The following ZNF134 variants were observed in gnomAD, a reference collection of about 807,000 sequenced individuals.
ZNF134 encodes the protein zinc finger protein 134 (clone pHZ-15).
In ZNF134, 5 loss-of-function variants were observed where a neutral mutation model predicts 2.5. The ratio of observed to expected loss-of-function variants is 2.03; its 90% CI spans 1.06 to 4.27. ZNF134 has a LOEUF of 4.27. Among genes scored for constraint, ZNF134 ranks in the 30% most tolerant of loss-of-function variants. The probability of loss-of-function intolerance (pLI) is 0.00; values close to 1 mark genes in which losing one functional copy is unlikely to be tolerated. For missense variants in ZNF134, 540 were observed against 517.5 expected (o/e 1.04, Z -0.42); for synonymous variants, 176 against 176.2 (o/e 1.00, Z 0.01).
rs934684416 is a variant in ZNF134, at chr19:57,623,234, A to G, written c.*1831A>G. On this transcript the variant is annotated 3_prime_UTR_variant, in exon 3 of 3. Transcript: ENST00000396161. ...AATTTGAAATTTGTCCATGGTATGT[A>G]TGAACAGTCCATTTTAAAATTACTG... 6.6e-6 allele frequency: 1 copy of G among 152,330 alleles called. No individual in the cohort carries two copies. Among genetic ancestry groups the G allele is most frequent in the East Asian group, 1.9e-4 (1 of 5,188 alleles). The allele number at this position is 152,330 out of a possible 1,614,324, so 9.4% of individuals were successfully genotyped here.
intron 1 of ZNF134, among the ~76,000 whole-genome samples, chr19:57,617,809 G>C (rs925782996): frequency 3.3e-5 from 5 of 152,194 alleles, no homozygotes. Context: ...GTCTAGAAGA[G>C]GGAGGGAAAT....
chr19:57,623,040 C>A lies in ZNF134; in HGVS notation c.*1637C>A, dbSNP rs114352426. On this transcript the variant is annotated 3_prime_UTR_variant, in exon 3 of 3. Transcript: ENST00000396161. Reference sequence around the variant, plus strand: ...CAGTGGTATTGGACATATCTGTTACCCCCAAAGTTAACCTGAGGCCCTTAA... The same window carrying A: ...CAGTGGTATTGGACATATCTGTTACACCCAAAGTTAACCTGAGGCCCTTAA... The A allele has an allele frequency of 1.3e-5, 2 of 151,816 alleles. No homozygotes were observed. The allele number at this position is 151,816 out of a possible 1,614,324, so 9.4% of individuals were successfully genotyped here.
intron 1 of ZNF134, among the ~76,000 whole-genome samples, chr19:57,617,775 G>A (rs1487021036): frequency 6.6e-6 from 1 of 152,204 alleles, no homozygotes; most frequent in African/African-American, 2.4e-5. Context: ...GACACAGCAG[G>A]GTAGAGGTAG....
chr19:57,619,542 G>A (rs1981139792), intron 2 of ZNF134, 34 bp downstream of exon 2: 9 of 1,571,350 alleles, frequency 5.7e-6, no homozygotes, highest in Non-Finnish European at 7.8e-6. Flanking sequence ...ATAACCTCAG[G>A]GCTGGGTTCC....
At position 57,620,759 on chromosome 19, in the gene ZNF134, A is replaced by C; in HGVS notation, c.640A>C (p.Ser214Arg). The C allele has an allele frequency of 6.2e-7, 1 of 1,612,858 alleles. No individual in the cohort carries two copies. The highest frequency in any genetic ancestry group is 8.5e-7 in the Non-Finnish European group (1 of 1,178,804). The change falls in exon 3 of 3, where the codon AGC becomes CGC. Residue 214 changes from serine (S) to arginine (R), a missense_variant. Transcript: ENST00000396161. ...GTGCAGCGAATGTGGGAAAGCCTTC[A>C]GCCGCAAAGCTACACTTGTCCAGCA... Reference protein sequence around the residue: ...YECSECGKAFSRKATLVQHQR... With the variant: ...YECSECGKAFRRKATLVQHQR...
Position 57,619,446 on chromosome 19 carries a change from G to C in ZNF134, c.-23G>C, listed in dbSNP as rs761125363. On this transcript the variant is annotated 5_prime_UTR_variant, in exon 2 of 3. Transcript: ENST00000396161. ...GGTTGTTGAATTGTAACAAGAGAGA[G>C]AACTCTGGCTGCCTGAGAGGGCATG... 1.3e-6 allele frequency: 2 copies of C among 1,598,444 alleles called. No individual in the cohort carries two copies. The highest frequency in any genetic ancestry group is 1.7e-5 in the Admixed American group (1 of 57,804).
At chr19:57,617,615 C>T (rs557422522) in intron 1 of ZNF134, among the ~76,000 whole-genome samples, 8 of 152,184 alleles carry the variant, frequency 5.3e-5, no homozygotes, top group African/African-American at 1.4e-4. Context: ...GACAGCTGGA[C>T]ACAGAGATCT....
chr19:57,621,329 G>C lies in ZNF134; in HGVS notation c.1210G>C (p.Glu404Gln), dbSNP rs1381515708. Reference protein sequence around the residue: ...HTGERPYECSECGKAYSLSSH... With the variant: ...HTGERPYECSQCGKAYSLSSH... ...TGGAGAAAGGCCATATGAGTGCAGT[G>C]AATGTGGGAAGGCCTACAGCTTAAG... Residue 404 changes from glutamate to glutamine, a missense_variant, in exon 3 of 3, where the codon GAA becomes CAA. Coordinates refer to ENST00000396161, the MANE Select transcript of ZNF134 (RefSeq NM_003435.5). 10 of 1,614,078 alleles carry C rather than the reference G, an allele frequency of 6.2e-6. No homozygotes were observed. The highest frequency in any genetic ancestry group is 8.5e-6 in the Non-Finnish European group (10 of 1,180,046).
chr19:57,618,529 C>T (rs891457586), intron 1 of ZNF134, among the ~76,000 whole-genome samples: 17 of 152,156 alleles, frequency 1.1e-4, no homozygotes, highest in Non-Finnish European at 2.9e-5. Flanking sequence ...TGTTGATCCC[C>T]AGGGAGCTGG....
intron 1 of ZNF134, 99 bp from the exon 2 acceptor site, chr19:57,619,313 T>C: frequency 1.1e-6 from 1 of 947,340 alleles, no homozygotes; most frequent in Non-Finnish European, 1.6e-6. Flanking sequence ...CTGAGGTTCA[T>C]TTTGTAGCAT....
chr19:57,615,938 A>C (rs1053946172), intron 1 of ZNF134, among the ~76,000 whole-genome samples: 3 of 152,248 alleles, frequency 2.0e-5, no homozygotes, highest in Non-Finnish European at 4.4e-5. Context: ...AAGGAAGTTA[A>C]CAGGCTAAAC....
intron 1 of ZNF134, among the ~76,000 whole-genome samples, chr19:57,618,122 G>C (rs529586286): frequency 4.4e-4 from 67 of 152,306 alleles, no homozygotes; most frequent in African/African-American, 1.6e-3. Context: ...TGAGAAGCCT[G>C]TGACTGACCT....
chr19:57,620,057 A>C, intron 2 of ZNF134, 103 bp from the exon 3 acceptor site: 1 of 1,353,494 alleles, frequency 7.4e-7, no homozygotes. Context: ...TCCACCAGGA[A>C]ACTTAGGTAC....
intron 1 of ZNF134, among the ~76,000 whole-genome samples, chr19:57,615,935 T>G (rs1043936514): frequency 6.6e-6 from 1 of 152,186 alleles, no homozygotes; most frequent in Non-Finnish European, 1.5e-5. Context: ...AACAAGGAAG[T>G]TAACAGGCTA....
chr19:57,615,618 TTATCTC>T (rs1486681568), intron 1 of ZNF134, among the ~76,000 whole-genome samples: 6 of 152,154 alleles, frequency 3.9e-5, no homozygotes, highest in African/African-American at 1.4e-4. Context: ...GAAGGGGTTT[TTATCTC>T]TAACCCATAG....
In ZNF134 at chr19:57,621,174, T is replaced by C. The variant is rs763051706; in HGVS notation, c.1055T>C (p.Phe352Ser). ...TTTGAGTGCATTGAATGCGGGAAATTCTTTAGTCGAAGTTCTGACTATATT... is the reference window on the plus strand; with the variant it reads ...TTTGAGTGCATTGAATGCGGGAAATCCTTTAGTCGAAGTTCTGACTATATT... ...KPFECIECGKFFSRSSDYIAH... is the reference protein window; with the variant it reads ...KPFECIECGKSFSRSSDYIAH... Residue 352 changes from phenylalanine to serine, a missense_variant, in exon 3 of 3, where the codon TTC becomes TCC. Phe to Ser is a radical substitution (Grantham distance 155). Transcript: ENST00000396161. 4.6e-5 allele frequency: 75 copies of C among 1,614,042 alleles called. No homozygotes were observed. The highest frequency in any genetic ancestry group is 5.8e-5 in the Non-Finnish European group (69 of 1,180,046).
Position 57,621,620 on chromosome 19 carries a change from T to C in ZNF134, c.*217T>C, listed in dbSNP as rs1053662941. On this transcript the variant is annotated 3_prime_UTR_variant, in exon 3 of 3. Coordinates refer to ENST00000396161, the MANE Select transcript of ZNF134 (RefSeq NM_003435.5). The stretch of plus-strand genomic sequence containing the variant: ...CTCTACCAGCTAAGATACCCCAGCA[T>C]TGGGGAAGGCAGGGTTTTGTATTGT... The C allele has an allele frequency of 3.6e-5, 28 of 785,970 alleles. No individual in the cohort carries two copies. The highest frequency in any genetic ancestry group is 1.4e-4 in the South Asian group (10 of 73,680). The allele number at this position is 785,970 out of a possible 1,614,324, so 48.7% of individuals were successfully genotyped here.
chr19:57,621,694 C>T lies in ZNF134; in HGVS notation c.*291C>T. ...AATGCCTGAGTTCATTGGGGGTCCTCATTCCCTTCTGTATGACAGGTATAG... is the reference window on the plus strand; with the variant it reads ...AATGCCTGAGTTCATTGGGGGTCCTTATTCCCTTCTGTATGACAGGTATAG... On this transcript the variant is annotated 3_prime_UTR_variant, in exon 3 of 3. Coordinates refer to ENST00000396161, the MANE Select transcript of ZNF134 (RefSeq NM_003435.5). 1.8e-6 allele frequency: 1 copy of T among 541,598 alleles called. No individual in the cohort carries two copies. The highest frequency in any genetic ancestry group is 3.4e-6 in the Non-Finnish European group (1 of 292,838). The allele number at this position is 541,598 out of a possible 1,614,324, so 33.5% of individuals were successfully genotyped here.
chr19:57,620,712 A>G lies in ZNF134; in HGVS notation c.593A>G (p.His198Arg). Residue 198 changes from histidine to arginine, a missense_variant, in exon 3 of 3, where the codon CAT becomes CGT. His to Arg is a conservative substitution (Grantham distance 29). Coordinates refer to ENST00000396161, the MANE Select transcript of ZNF134 (RefSeq NM_003435.5). ...KDTLVQHQRIHSGEKPYECSE... is the reference protein window; with the variant it reads ...KDTLVQHQRIRSGEKPYECSE... ...ACACTTGTCCAGCACCAGAGAATTC[A>G]TAGTGGAGAGAAGCCTTATGAGTGC... 1 of 1,611,252 alleles carries G rather than the reference A, an allele frequency of 6.2e-7. No homozygotes were observed. The highest frequency in any genetic ancestry group is 1.7e-4 in the Middle Eastern group (1 of 6,056).
Sources: allele counts gnomAD v4.1 joint callset (sites outside exome capture counted in the v4.1 genomes callset), GRCh38; gene constraint gnomAD v4.1.1; transcripts MANE v1.5; gene names NCBI Gene and HGNC (gene_info 2026-07-23, HGNC 2026-07-21).